Variants in TMPRSS11A observed in about 807,000 individuals in gnomAD.
The protein encoded by TMPRSS11A is transmembrane serine protease 11A, also known as transmembrane protease serine 11A.
TMPRSS11A carries 53 observed loss-of-function variants against 58.9 expected under a neutral mutation model. The observed-to-expected ratio is 0.90, with a 90% CI of 0.72 to 1.13. The LOEUF (loss-of-function observed/expected upper bound fraction) is 1.13, where lower values mean the gene tolerates loss of function less well. Among genes scored for constraint, TMPRSS11A ranks in the 50% most tolerant of loss-of-function variants. The pLI, the probability that TMPRSS11A is intolerant of heterozygous loss-of-function variation, is 0.00. For synonymous variants in TMPRSS11A, 167 were observed against 169.8 expected (o/e 0.98, Z 0.13); for missense variants, 493 against 499.3 (o/e 0.99, Z 0.12).
chr4:67,945,737 C>T (rs1388166506), intron 2 of TMPRSS11A, among the ~76,000 whole-genome samples: 1 of 152,118 alleles, frequency 6.6e-6, no homozygotes, highest in Non-Finnish European at 1.5e-5. Context: ...TGTTTTATCA[C>T]ATACATCCAT....
chr4:67,960,172 T>A (rs1721390636), intron 1 of TMPRSS11A, among the ~76,000 whole-genome samples: 1 of 152,148 alleles, frequency 6.6e-6, no homozygotes, highest in Admixed American at 6.5e-5. Context: ...AGGGGCAAGG[T>A]TGGGAGGAGG....
intron 5 of TMPRSS11A, among the ~76,000 whole-genome samples, chr4:67,929,497 A>G (rs1720556154): frequency 6.6e-6 from 1 of 152,250 alleles, no homozygotes; most frequent in Admixed American, 6.5e-5. Context: ...GAAACTATCA[A>G]TAAAAGTATG....
In TMPRSS11A at chr4:67,938,343, C is replaced by T. The variant is rs146458264; in HGVS notation, c.252+6176G>A. Among the ~76,000 whole-genome samples, 184 of 152,192 alleles carry T rather than the reference C, an allele frequency of 1.2e-3. 1 individual carries two copies. Among genetic ancestry groups the T allele is most frequent in the African/African-American group, 4.1e-3 (170 of 41,534 alleles). ...ATGCATAGTTTGCAAATATTTTCTC[C>T]CAGTCTGTAGGTTGTTTGTTTACTC... On this transcript the variant is annotated intron_variant, in intron 3 of 9. Transcript: ENST00000508048.
rs1721419191 is a variant in TMPRSS11A, at chr4:67,961,482, CCT to C, written c.11+1899_11+1900del. On this transcript the variant is annotated intron_variant, in intron 1 of 9. Transcript: ENST00000508048. ...CTTTTCTTTCCTTTCCTTTTCTTTT[CCT>C]TTTTTTTTTTTTTTTTTTTTTTTTT... is the stretch of plus-strand genomic sequence containing the variant. Among the ~76,000 whole-genome samples the C allele has an allele frequency of 7.8e-5, 8 of 102,452 alleles. 1 individual carries two copies. The highest frequency in any genetic ancestry group is 3.1e-4 in the South Asian group (1 of 3,228). The allele number at this position is 102,452 out of a possible 152,430, so 67.2% of individuals were successfully genotyped here. A position where few individuals can be genotyped will look rare whatever the true frequency, so the allele number is the denominator to read the frequency against.
At position 67,955,223 on chromosome 4, in the gene TMPRSS11A, T is replaced by C. The variant is rs566365426; in HGVS notation, c.11+8160A>G. Among the ~76,000 whole-genome samples, 41 of 152,280 alleles carry C rather than the reference T, an allele frequency of 2.7e-4. No individual in the cohort carries two copies. In the East Asian group the frequency reaches 7.1e-3, roughly 27 times the overall value. ...TTAGAATGACATAATAAAAGGAAGATGCTGTTTAATTAGTACAATATTAAA... is the reference window on the plus strand; with the variant it reads ...TTAGAATGACATAATAAAAGGAAGACGCTGTTTAATTAGTACAATATTAAA... On this transcript the variant is annotated intron_variant, in intron 1 of 9. Coordinates refer to ENST00000508048, the MANE Select transcript of TMPRSS11A (RefSeq NM_001114387.2).
intron 1 of TMPRSS11A, among the ~76,000 whole-genome samples, chr4:67,947,917 G>A (rs1560572995): frequency 1.3e-5 from 2 of 152,290 alleles, no homozygotes; most frequent in East Asian, 1.9e-4. Flanking sequence ...AACACAGGAT[G>A]AGAGAGAGGA....
chr4:67,910,658 G>T lies in TMPRSS11A; in HGVS notation c.*684C>A, dbSNP rs1450764887. On this transcript the variant is annotated 3_prime_UTR_variant, in exon 10 of 10. Transcript: ENST00000508048. ...CTATCTATATATAATTCATTAATCGGGATTTTTCTGATTATATCTGTAGGA... is the reference window on the plus strand; with the variant it reads ...CTATCTATATATAATTCATTAATCGTGATTTTTCTGATTATATCTGTAGGA... 1 of 151,478 alleles carries T rather than the reference G, an allele frequency of 6.6e-6. No homozygotes were observed. The highest frequency in any genetic ancestry group is 1.5e-5 in the Non-Finnish European group (1 of 67,820). 9.4% of individuals were successfully genotyped at this position (151,478 alleles called of 1,614,324 possible).
chr4:67,945,748 G>A (rs1453551147), intron 2 of TMPRSS11A, among the ~76,000 whole-genome samples: 3 of 152,140 alleles, frequency 2.0e-5, no homozygotes, highest in African/African-American at 7.2e-5. Flanking sequence ...ATACATCCAT[G>A]TGAGAGTCAC....
intron 4 of TMPRSS11A, among the ~76,000 whole-genome samples, chr4:67,931,516 C>T (rs565792680): frequency 6.6e-6 from 1 of 152,246 alleles, no homozygotes; most frequent in East Asian, 1.9e-4. Flanking sequence ...TTTATTACAA[C>T]AGGAATATCT....
intron 1 of TMPRSS11A, among the ~76,000 whole-genome samples, chr4:67,958,229 C>T (rs912048389): frequency 2.0e-5 from 3 of 152,156 alleles, no homozygotes; most frequent in African/African-American, 7.2e-5. Flanking sequence ...AGAGAACCAC[C>T]GTCCTCCAGA....
At position 67,950,482 on chromosome 4, in the gene TMPRSS11A, G is replaced by A. The variant is rs372424617; in HGVS notation, c.12-3911C>T. On this transcript the variant is annotated intron_variant, in intron 1 of 9. Coordinates refer to ENST00000508048, the MANE Select transcript of TMPRSS11A (RefSeq NM_001114387.2). ...CATCCGATTAGGGTAGGCCCATCAGGGATACTCTCCCATCTTCAAGCCAAT... is the reference window on the plus strand; with the variant it reads ...CATCCGATTAGGGTAGGCCCATCAGAGATACTCTCCCATCTTCAAGCCAAT... 4.9e-4 allele frequency among the ~76,000 whole-genome samples: 74 copies of A among 152,228 alleles called. 1 individual carries two copies. In the South Asian group the frequency reaches 0.013, roughly 26 times the overall value.
intron 1 of TMPRSS11A, among the ~76,000 whole-genome samples, chr4:67,957,777 A>T (rs1721322833): frequency 6.6e-6 from 1 of 152,146 alleles, no homozygotes. Context: ...TCTCCAGGGC[A>T]TGTCAGAGGT....
chr4:67,922,674 G>C, intron 7 of TMPRSS11A, 81 bp downstream of exon 7: 1 of 1,321,788 alleles, frequency 7.6e-7, no homozygotes, highest in Non-Finnish European at 1.0e-6. Context: ...TAATATTTGA[G>C]ACATTAATTG....
At chr4:67,953,147 G>A (rs944168486) in intron 1 of TMPRSS11A, among the ~76,000 whole-genome samples, 5 of 152,156 alleles carry the variant, frequency 3.3e-5, no homozygotes, top group African/African-American at 1.2e-4. Context: ...ACAGGAGGGA[G>A]AGCTTGGGTG....
chr4:67,953,251 GA>G (rs1048311674), intron 1 of TMPRSS11A, among the ~76,000 whole-genome samples: 17 of 152,166 alleles, frequency 1.1e-4, no homozygotes, highest in Admixed American at 3.3e-4. Context: ...GGGACTTGGG[GA>G]TCCCTGGTTT....
chr4:67,931,529 T>C (rs1245324251), intron 4 of TMPRSS11A, among the ~76,000 whole-genome samples: 1 of 152,216 alleles, frequency 6.6e-6, no homozygotes, highest in Non-Finnish European at 1.5e-5. Context: ...GAATATCTTT[T>C]TGTTTAGGCA....
Position 67,914,629 on chromosome 4 carries a change from A to G in TMPRSS11A, c.1054T>C (p.Phe352Leu). 6.2e-7 allele frequency: 1 copy of G among 1,613,880 alleles called. No individual in the cohort carries two copies. The highest frequency in any genetic ancestry group is 1.3e-5 in the African/African-American group (1 of 75,046). The change falls in exon 9 of 10, where the codon TTC (phenylalanine) becomes CTC (leucine). Residue 352 changes from phenylalanine (F) to leucine (L), a missense_variant. By Grantham distance (22) the Phe-to-Leu change is conservative. Transcript: ENST00000508048. ...ATTCCTTCCATATATCCGGCACAGA[A>G]CATTCCAGGTTTTATATCATTGCCA... Reference protein sequence around the residue: ...VYGNDIKPGMFCAGYMEGIYD... With the variant: ...VYGNDIKPGMLCAGYMEGIYD...
chr4:67,934,975 C>A (rs780056817), intron 3 of TMPRSS11A, among the ~76,000 whole-genome samples: 49 of 152,138 alleles, frequency 3.2e-4, no homozygotes, highest in Non-Finnish European at 5.7e-4. Context: ...CAACGTAACA[C>A]CAGGTGAGCT....
At chr4:67,958,591 G>T (rs571456270) in intron 1 of TMPRSS11A, among the ~76,000 whole-genome samples, 3 of 152,306 alleles carry the variant, frequency 2.0e-5, no homozygotes, top group African/African-American at 7.2e-5. Flanking sequence ...ACTTACTTTT[G>T]ATTTTACAGG....
Sources: allele counts gnomAD v4.1 joint callset (sites outside exome capture counted in the v4.1 genomes callset), GRCh38; gene constraint gnomAD v4.1.1; transcripts MANE v1.5; gene names NCBI Gene and HGNC (gene_info 2026-07-23, HGNC 2026-07-21).